PCDHA2: variants seen among roughly 807,000 people sequenced by gnomAD.
The protein encoded by PCDHA2 is protocadherin alpha 2.
Under a neutral mutation model 66.0 loss-of-function variants are expected in PCDHA2, and 58 were observed. The ratio of observed to expected loss-of-function variants is 0.88; its 90% confidence interval spans 0.71 to 1.09. The LOEUF (loss-of-function observed/expected upper bound fraction) is 1.09, where lower values mean the gene tolerates loss of function less well. PCDHA2 is among the 50% of genes least tolerant of loss of function. PCDHA2 has a pLI of 0.00. For missense variants in PCDHA2, 1,267 were observed against 1,242.3 expected (o/e 1.02, Z -0.30); for synonymous variants, 634 against 554.0 (o/e 1.14, Z -2.03).
intron 1 of PCDHA2, chr5:140,824,610 G>GTTTTTTTTTTTTTTTTTTTTTTTTTTTT (rs782443702): frequency 2.1e-5 from 2 of 95,102 alleles, no homozygotes; most frequent in Non-Finnish European, 3.8e-5. Flanking sequence ...GCTAATTAAA[G>GTTTTTTTTTTTTTTTTTTTTTTTTTTTT]TTTTTTTTTT....
chr5:140,978,829 T>A (rs2096825254), intron 1 of PCDHA2, 120 bp from the exon 2 acceptor site: 2 of 1,533,852 alleles, frequency 1.3e-6, no homozygotes, highest in Admixed American at 2.0e-5. Flanking sequence ...ATGAAATGGC[T>A]CATTCAATAC....
At chr5:140,930,356 A>G (rs1554207746) in intron 1 of PCDHA2, 1 of 152,106 alleles carries the variant, frequency 6.6e-6, no homozygotes, top group African/African-American at 2.4e-5. Context: ...CAAATATTTC[A>G]ATTTATCTGT....
rs562721543 is a variant in PCDHA2, at chr5:140,968,426, A to G, written c.2389-10523A>G. ...CTTTGTGACTGTGGAGGCTCAGGAC[A>G]AGGGGAGCCCACCACTGAGCAGCAC... On this transcript the variant is annotated intron_variant, in intron 1 of 3. Transcript: ENST00000526136. 135 of 1,614,020 alleles carry G rather than the reference A, an allele frequency of 8.4e-5. 2 individuals carry two copies. In the South Asian group the frequency reaches 1.4e-3, roughly 16 times the overall value.
intron 1 of PCDHA2, chr5:140,854,000 C>CA (rs112540154): frequency 0.023 from 8,090 of 347,992 alleles, 12 homozygotes; most frequent in Middle Eastern, 0.03. Flanking sequence ...TCATCTCTGC[C>CA]AAAAAAAAAA....
intron 1 of PCDHA2, chr5:140,824,242 G>C (rs2150133483): frequency 1.3e-6 from 2 of 1,484,408 alleles, no homozygotes; most frequent in Non-Finnish European, 1.9e-6. Flanking sequence ...AAATATTGTG[G>C]TACACAATTA....
intron 1 of PCDHA2, among the ~76,000 whole-genome samples, chr5:140,900,088 G>C (rs545975836): frequency 6.6e-6 from 1 of 152,240 alleles, no homozygotes; most frequent in African/African-American, 2.4e-5. Context: ...GCAGTTACAA[G>C]CATGCGCCAC....
intron 1 of PCDHA2, chr5:140,877,641 C>A: frequency 6.2e-7 from 1 of 1,613,592 alleles, no homozygotes; most frequent in Non-Finnish European, 8.5e-7. Flanking sequence ...CGCTGCGTTG[C>A]TCAGCGCCGC....
chr5:140,834,220 A>T (rs4151685), intron 1 of PCDHA2: 3 of 685,996 alleles, frequency 4.4e-6, no homozygotes, highest in Non-Finnish European at 7.2e-6. Context: ...CGTAATCAGC[A>T]AAAGGAAGTC....
chr5:140,809,090 C>A, intron 1 of PCDHA2: 1 of 1,613,952 alleles, frequency 6.2e-7, no homozygotes, highest in Non-Finnish European at 8.5e-7. Flanking sequence ...CAGCACAACG[C>A]GTGCCCTGGA....
intron 1 of PCDHA2, among the ~76,000 whole-genome samples, chr5:140,963,211 G>A (rs185560728): frequency 0.016 from 2,496 of 152,042 alleles, 69 homozygotes; most frequent in African/African-American, 0.056. Flanking sequence ...AAAAAACCTC[G>A]TGTTTAGAGT....
rs2150109199 is a variant in PCDHA2, at chr5:140,821,298, T to C, written c.2388+23946T>C. On this transcript the variant is annotated intron_variant, in intron 1 of 3. Coordinates refer to ENST00000526136, the MANE Select transcript of PCDHA2 (RefSeq NM_018905.3). ...TTGGAAATATATAAACTCCTCCCTATATAAAATACACCAGCACAAATTTCT... is the reference window on the plus strand; with the variant it reads ...TTGGAAATATATAAACTCCTCCCTACATAAAATACACCAGCACAAATTTCT... 7.9e-5 allele frequency among the ~76,000 whole-genome samples: 12 copies of C among 152,314 alleles called. No individual in the cohort carries two copies. In the South Asian group the frequency reaches 2.3e-3, roughly 29 times the overall value.
At chr5:140,884,138 G>C (rs782798249) in intron 1 of PCDHA2, 2 of 1,613,410 alleles carry the variant, frequency 1.2e-6, no homozygotes, top group Non-Finnish European at 1.7e-6. Context: ...CCCGTTCCGC[G>C]TGGGGCTGTA....
At chr5:140,807,859 C>T in intron 1 of PCDHA2, 1 of 1,614,158 alleles carries the variant, frequency 6.2e-7, no homozygotes, top group Non-Finnish European at 8.5e-7. Context: ...AGTTGACTGG[C>T]ACCGTTCAGT....
rs782361395 is a variant in PCDHA2, at chr5:140,796,393, G to C, written c.1429G>C (p.Val477Leu). 1.2e-6 allele frequency: 2 copies of C among 1,614,066 alleles called. No homozygotes were observed. Among genetic ancestry groups the C allele is most frequent in the Non-Finnish European group, 1.7e-6 (2 of 1,179,976 alleles). ...NNPPGCHIFT[V>L]SAWDADAQEN... ...CCCGCCGGGCTGCCACATCTTCACG[G>C]TGTCAGCGTGGGATGCGGACGCGCA... The change falls in exon 1 of 4, where the codon GTG becomes CTG. Residue 477 changes from valine (V) to leucine (L), a missense_variant. By Grantham distance (32) the Val-to-Leu change is conservative. Transcript: ENST00000526136.
chr5:140,822,990 G>A (rs1224032407), intron 1 of PCDHA2: 8 of 1,614,066 alleles, frequency 5.0e-6, no homozygotes, highest in Admixed American at 1.7e-5. Flanking sequence ...ATTACTACTC[G>A]TTGGTGCTGG....
chr5:140,844,007 T>C (rs1779179285), intron 1 of PCDHA2, among the ~76,000 whole-genome samples: 1 of 149,710 alleles, frequency 6.7e-6, no homozygotes, highest in African/African-American at 2.4e-5. Flanking sequence ...AACAATACTC[T>C]AAGGACGTTC....
At chr5:140,866,935 T>C (rs782742299) in intron 1 of PCDHA2, 3 of 152,114 alleles carry the variant, frequency 2.0e-5, no homozygotes, top group African/African-American at 4.8e-5. Context: ...GCGCATAATC[T>C]CTTCACTAGG....
intron 1 of PCDHA2, among the ~76,000 whole-genome samples, chr5:140,892,933 T>C (rs1323780846): frequency 6.6e-6 from 1 of 152,210 alleles, no homozygotes; most frequent in Non-Finnish European, 1.5e-5. Context: ...CAGCCTCTGA[T>C]AAGCACAATA....
intron 3 of PCDHA2, among the ~76,000 whole-genome samples, chr5:140,982,966 G>A (rs1407279371): frequency 6.6e-6 from 1 of 151,986 alleles, no homozygotes; most frequent in African/African-American, 2.4e-5. Flanking sequence ...CCCACCCAAA[G>A]TAGTAAGGAA....
Sources: allele counts gnomAD v4.1 joint callset (sites outside exome capture counted in the v4.1 genomes callset), GRCh38; gene constraint gnomAD v4.1.1; transcripts MANE v1.5; gene names NCBI Gene and HGNC (gene_info 2026-07-23, HGNC 2026-07-21).